Variants in CSMD3 observed in about 807,000 individuals in gnomAD.
CSMD3 encodes the protein CUB and sushi domain-containing protein 3.
A neutral mutation model predicts 435.2 loss-of-function variants in CSMD3; 177 were observed. The observed-to-expected ratio is 0.41, with a 90% CI of 0.36 to 0.46. The LOEUF (loss-of-function observed/expected upper bound fraction) is 0.46, where lower values mean the gene tolerates loss of function less well. CSMD3 is among the 20% of genes least tolerant of loss of function. CSMD3 has a pLI of 0.34. For synonymous variants in CSMD3, 1,656 were observed against 1,520.5 expected (o/e 1.09, Z -2.07); for missense variants, 4,265 against 4,504.6 (o/e 0.95, Z 1.52).
intron 16 of CSMD3, 137 bp from the exon 17 acceptor site, chr8:112,666,552 T>C (rs763048195): frequency 7.8e-5 from 57 of 734,062 alleles, no homozygotes; most frequent in Non-Finnish European, 1.2e-4. Flanking sequence ...AAAGCAATGG[T>C]ACATCTAGTC....
chr8:112,294,528 ATACT>A (rs1434731310), intron 54 of CSMD3, among the ~76,000 whole-genome samples: 1 of 152,082 alleles, frequency 6.6e-6, no homozygotes. Flanking sequence ...GAAACACTAA[ATACT>A]TACGGGGATT....
intron 63 of CSMD3, 89 bp downstream of exon 63, chr8:112,254,164 T>G (rs1201770286): frequency 3.3e-6 from 3 of 917,666 alleles, no homozygotes; most frequent in Non-Finnish European, 3.7e-6. Context: ...AACATGACTT[T>G]TTGTTATGTC....
chr8:112,917,086 G>A (rs2082595470), intron 10 of CSMD3, among the ~76,000 whole-genome samples: 2 of 151,854 alleles, frequency 1.3e-5, no homozygotes, highest in Admixed American at 1.3e-4. Flanking sequence ...CATTTAGATT[G>A]TTTTATTCTA....
At chr8:112,716,245 C>T (rs1035220737) in intron 13 of CSMD3, among the ~76,000 whole-genome samples, 41 of 152,154 alleles carry the variant, frequency 2.7e-4, no homozygotes, top group Non-Finnish European at 5.3e-4. Flanking sequence ...ACAAAATCAA[C>T]GTGCAAAAAT....
intron 11 of CSMD3, among the ~76,000 whole-genome samples, chr8:112,840,591 A>C (rs1250159446): frequency 6.6e-6 from 1 of 151,754 alleles, no homozygotes; most frequent in Admixed American, 6.6e-5. Context: ...GATAAATATA[A>C]TAATTATTCT....
intron 3 of CSMD3, among the ~76,000 whole-genome samples, chr8:113,227,187 A>G (rs1455805243): frequency 6.6e-6 from 1 of 151,638 alleles, no homozygotes; most frequent in Non-Finnish European, 1.5e-5. Context: ...AATAAAAATT[A>G]GAGAAATAAC....
chr8:112,285,596 A>T (rs1819110516), intron 58 of CSMD3, among the ~76,000 whole-genome samples: 1 of 152,210 alleles, frequency 6.6e-6, no homozygotes, highest in Admixed American at 6.6e-5. Context: ...AAGTTTAAAA[A>T]TATTTTGCAA....
intron 5 of CSMD3, among the ~76,000 whole-genome samples, chr8:113,075,020 G>T (rs2089281018): frequency 6.6e-6 from 1 of 151,560 alleles, no homozygotes; most frequent in South Asian, 2.1e-4. Flanking sequence ...TTTTGATAAG[G>T]ACCTACATTT....
intron 3 of CSMD3, among the ~76,000 whole-genome samples, chr8:113,234,651 G>A (rs932868311): frequency 6.6e-6 from 1 of 152,100 alleles, no homozygotes; most frequent in Non-Finnish European, 1.5e-5. Context: ...TTCAATTTCA[G>A]GATGATGTTT....
rs1463061612 is a variant in CSMD3, at chr8:112,556,774, G to A, written c.4223C>T (p.Pro1408Leu). The A allele has an allele frequency of 1.2e-6, 2 of 1,609,308 alleles. No homozygotes were observed. Among genetic ancestry groups the A allele is most frequent in the East Asian group, 4.5e-5 (2 of 44,824 alleles). The change falls in exon 25 of 71, where the codon CCT becomes CTT. Residue 1408 changes from proline to leucine, a missense_variant. By Grantham distance (98) the Pro-to-Leu change is moderately conservative. This residue lies in a region of CSMD3 where 3,255 missense variants were observed against 3,380.2 expected (regional missense o/e 0.96). Coordinates refer to ENST00000297405, the MANE Select transcript of CSMD3 (RefSeq NM_198123.2). ...TGACAGTATCCTACCAATACAGGAA[G>A]GCAGAGGATAGTCCCATGCCCTTCT... ...GERRAWDYPLPSCIAECGGRF... is the reference protein window; with the variant it reads ...GERRAWDYPLLSCIAECGGRF...
At chr8:113,191,419 C>A (rs555947280) in intron 3 of CSMD3, among the ~76,000 whole-genome samples, 3 of 151,638 alleles carry the variant, frequency 2.0e-5, no homozygotes, top group Non-Finnish European at 4.4e-5. Context: ...AGAAGTCCCC[C>A]GTGTCTATTA....
At chr8:112,472,766 T>C in intron 31 of CSMD3, 59 bp from the exon 32 acceptor site, 1 of 880,792 alleles carries the variant, frequency 1.1e-6, no homozygotes, top group South Asian at 1.3e-5. Flanking sequence ...ATTCATACCA[T>C]GGTTATCTTC....
chr8:112,273,527 C>T (rs1171767793), intron 59 of CSMD3, among the ~76,000 whole-genome samples: 1 of 151,806 alleles, frequency 6.6e-6, no homozygotes, highest in Non-Finnish European at 1.5e-5. Flanking sequence ...AGATCGAGAC[C>T]ATCCTGGATA....
chr8:113,383,117 G>C (rs530012955), intron 1 of CSMD3, among the ~76,000 whole-genome samples: 2 of 152,160 alleles, frequency 1.3e-5, no homozygotes, highest in Non-Finnish European at 2.9e-5. Flanking sequence ...GGACACTGCA[G>C]AGAGGGAATA....
At chr8:113,024,387 G>A (rs905082637) in intron 5 of CSMD3, among the ~76,000 whole-genome samples, 1 of 148,730 alleles carries the variant, frequency 6.7e-6, no homozygotes, top group South Asian at 2.3e-4. Flanking sequence ...TCGATTACTT[G>A]ACTATTGTGA....
chr8:113,317,608 G>T (rs568245237), intron 1 of CSMD3, among the ~76,000 whole-genome samples: 1 of 151,962 alleles, frequency 6.6e-6, no homozygotes, highest in African/African-American at 2.4e-5. Context: ...TTATTCTCTA[G>T]AATAAAGTAC....
intron 11 of CSMD3, among the ~76,000 whole-genome samples, chr8:112,854,256 T>G (rs1430142739): frequency 6.6e-6 from 1 of 152,212 alleles, no homozygotes; most frequent in African/African-American, 2.4e-5. Flanking sequence ...CCTAAGACTT[T>G]CAAAAATGGG....
intron 13 of CSMD3, among the ~76,000 whole-genome samples, chr8:112,743,899 G>T (rs540507067): frequency 6.6e-6 from 1 of 151,866 alleles, no homozygotes; most frequent in Non-Finnish European, 1.5e-5. Flanking sequence ...AAAAACATAT[G>T]ATTAAACAAG....
In CSMD3 at chr8:112,224,847, T is replaced by G; in HGVS notation, c.11048A>C (p.Asp3683Ala). The change falls in exon 71 of 71, where the codon GAC (aspartate) becomes GCC (alanine). Residue 3683 changes from aspartate (D) to alanine (A), a missense_variant. Asp to Ala is a moderately radical substitution (Grantham distance 126, BLOSUM62 -2). This residue lies in a region of CSMD3 where 3,255 missense variants were observed against 3,380.2 expected (regional missense o/e 0.96). Coordinates refer to ENST00000297405, the MANE Select transcript of CSMD3 (RefSeq NM_198123.2). The stretch of plus-strand genomic sequence containing the variant: ...CCCTTCCACTGACTTTGCGTTGGTG[T>G]CATACATGGGATTTTCAAAAGCTGC... ...GQAAFENPMY[D>A]TNAKSVEGKA... The G allele has an allele frequency of 6.2e-7, 1 of 1,614,080 alleles. No homozygotes were observed. The highest frequency in any genetic ancestry group is 2.2e-5 in the East Asian group (1 of 44,868).
Sources: allele counts gnomAD v4.1 joint callset (sites outside exome capture counted in the v4.1 genomes callset), GRCh38; gene constraint gnomAD v4.1.1; regional missense constraint gnomAD v4.1.1; transcripts MANE v1.5; gene names NCBI Gene and HGNC (gene_info 2026-07-23, HGNC 2026-07-21).